LTBP1: variants seen among roughly 807,000 people sequenced by gnomAD.
LTBP1 encodes latent-transforming growth factor beta-binding protein 1.
In LTBP1, 129 loss-of-function variants were observed where a neutral mutation model predicts 207.6. The observed-to-expected ratio is 0.62, with a 90% CI of 0.54 to 0.72. The LOEUF is 0.72. Ranked by LOEUF, LTBP1 falls within the 30% of genes least tolerant of loss-of-function variation. The probability of loss-of-function intolerance (pLI) is 0.00; values close to 1 mark genes in which losing one functional copy is unlikely to be tolerated. For synonymous variants in LTBP1, 963 were observed against 833.7 expected (o/e 1.16, Z -2.67); for missense variants, 2,281 against 2,217.2 (o/e 1.03, Z -0.58).
At chr2:32,982,954 G>A (rs1321068744) in intron 2 of LTBP1, among the ~76,000 whole-genome samples, 2 of 152,212 alleles carry the variant, frequency 1.3e-5, no homozygotes, top group Non-Finnish European at 2.9e-5. Flanking sequence ...TCACCACTGG[G>A]GCATTGCCTA....
intron 24 of LTBP1, among the ~76,000 whole-genome samples, chr2:33,326,509 C>A (rs2094428898): frequency 6.8e-6 from 1 of 146,914 alleles, no homozygotes; most frequent in Admixed American, 6.7e-5. Flanking sequence ...AAAAAAAAAA[C>A]AATCTAAACT....
Position 33,128,086 on chromosome 2 carries a change from C to T in LTBP1, c.1034-6707C>T, listed in dbSNP as rs75130350. On this transcript the variant is annotated intron_variant, in intron 4 of 33. Transcript: ENST00000404816. ...ATTTGGGACCCTCGAGAGGAATGGC[C>T]CCCTGTTTAGCTTGTGAGTAAGCCA... 8.1e-3 allele frequency among the ~76,000 whole-genome samples: 1,234 copies of T among 152,202 alleles called. 12 individuals carry two copies. The highest frequency in any genetic ancestry group is 0.014 in the East Asian group (73 of 5,186).
At chr2:33,203,857 G>A (rs2089594187) in intron 7 of LTBP1, among the ~76,000 whole-genome samples, 1 of 152,174 alleles carries the variant, frequency 6.6e-6, no homozygotes, top group Non-Finnish European at 1.5e-5. Context: ...TGGTCACTGT[G>A]TTTGAAGATG....
chr2:33,232,959 A>G (rs2091870082), intron 9 of LTBP1, among the ~76,000 whole-genome samples: 1 of 152,080 alleles, frequency 6.6e-6, no homozygotes, highest in Admixed American at 6.6e-5. Flanking sequence ...CTTCCTTTGT[A>G]GATAATGTGT....
intron 5 of LTBP1, among the ~76,000 whole-genome samples, chr2:33,153,892 A>G (rs74732937): frequency 0.015 from 2,289 of 152,158 alleles, 23 homozygotes; most frequent in East Asian, 0.027. Flanking sequence ...CATTGGCACC[A>G]TTTTCCTTTA....
At chr2:33,352,172 C>T (rs1263846545) in intron 26 of LTBP1, among the ~76,000 whole-genome samples, 1 of 152,056 alleles carries the variant, frequency 6.6e-6, no homozygotes, top group African/African-American at 2.4e-5. Flanking sequence ...TGCTCTGTCA[C>T]CCAGGCTGGA....
chr2:33,013,154 C>A (rs1687902231), intron 2 of LTBP1, among the ~76,000 whole-genome samples: 1 of 152,216 alleles, frequency 6.6e-6, no homozygotes, highest in South Asian at 2.1e-4. Context: ...AAAAATGAGG[C>A]TACTGAAATA....
At chr2:32,968,125 C>G (rs1311694499) in intron 2 of LTBP1, among the ~76,000 whole-genome samples, 2 of 152,120 alleles carry the variant, frequency 1.3e-5, no homozygotes, top group African/African-American at 4.8e-5. Flanking sequence ...TGCCACCATG[C>G]CTGACTAATT....
intron 4 of LTBP1, among the ~76,000 whole-genome samples, chr2:33,123,373 G>A (rs1352276671): frequency 4.6e-5 from 7 of 152,024 alleles, no homozygotes; most frequent in Admixed American, 4.6e-4. Flanking sequence ...ATCCTATCAT[G>A]CCTCCTGTTC....
chr2:32,950,959 T>A (rs1389055587), intron 2 of LTBP1, among the ~76,000 whole-genome samples: 1 of 152,242 alleles, frequency 6.6e-6, no homozygotes, highest in East Asian at 1.9e-4. Context: ...TTCCTGCTTC[T>A]GCAGGCAAGA....
chr2:32,947,621 A>ACCGCCGCCG lies in LTBP1; in HGVS notation c.310_318dup (p.Pro104_Pro106dup), dbSNP rs538338631. On this transcript the variant is annotated inframe_insertion, in exon 1 of 34. Coordinates refer to ENST00000404816, the MANE Select transcript of LTBP1 (RefSeq NM_206943.4). ...GCGGCGCGGCCCTGCAGGGGCTCAG[A>ACCGCCGCCG]CCGCCGCCGCCGCCGCCGCCGGAGC... The ACCGCCGCCG allele has an allele frequency of 1.3e-4, 171 of 1,327,092 alleles. No homozygotes were observed. The East Asian group carries it at 5.3e-3, about 41-fold the overall frequency. The allele number at this position is 1,327,092 out of a possible 1,614,324, so 82.2% of individuals were successfully genotyped here.
intron 24 of LTBP1, among the ~76,000 whole-genome samples, chr2:33,332,425 T>A (rs1003924064): frequency 6.8e-6 from 1 of 148,148 alleles, no homozygotes; most frequent in Non-Finnish European, 1.5e-5. Context: ...GACACTCTCA[T>A]TATAGAAAAT....
intron 24 of LTBP1, among the ~76,000 whole-genome samples, chr2:33,336,493 A>T (rs2094554776): frequency 6.8e-6 from 1 of 147,732 alleles, no homozygotes; most frequent in Non-Finnish European, 1.5e-5. Flanking sequence ...ATTGAACTGG[A>T]TAATCTTCAG....
At chr2:33,339,405 A>G (rs955156148) in intron 24 of LTBP1, among the ~76,000 whole-genome samples, 1 of 152,146 alleles carries the variant, frequency 6.6e-6, no homozygotes, top group African/African-American at 2.4e-5. Context: ...CTGTGGTTCA[A>G]TGAATAACAT....
rs1284396013 is a variant in LTBP1 at position 33,365,503 on chromosome 2, G to T, written c.4711G>T (p.Asp1571Tyr). 2 of 1,613,136 alleles carry T rather than the reference G, an allele frequency of 1.2e-6. No homozygotes were observed. Among genetic ancestry groups the T allele is most frequent in the African/African-American group, 2.7e-5 (2 of 74,872 alleles). Residue 1571 changes from aspartate to tyrosine, a missense_variant and splice_region_variant, in exon 31 of 34, where the codon GAT becomes TAT. This residue lies in a region of LTBP1 where 1,671 missense variants were observed against 1,634.8 expected (regional missense o/e 1.02). Coordinates refer to ENST00000404816, the MANE Select transcript of LTBP1 (RefSeq NM_206943.4). ...TGCCCTCTGCCCCCTGAAGGATTCA[G>T]GTGAGCCCATATCCAATTCCTTCTG... ...QCALCPLKDSDDYAQLCNIPV... is the reference protein window; with the variant it reads ...QCALCPLKDSYDYAQLCNIPV...
intron 23 of LTBP1, 34 bp downstream of exon 23, chr2:33,309,590 T>A: frequency 6.3e-7 from 1 of 1,596,200 alleles, no homozygotes; most frequent in Non-Finnish European, 8.5e-7. Context: ...AGTCATTATT[T>A]ACGTAATTCT....
At chr2:33,228,846 C>T (rs1027886646) in intron 9 of LTBP1, among the ~76,000 whole-genome samples, 1 of 151,366 alleles carries the variant, frequency 6.6e-6, no homozygotes, top group Non-Finnish European at 1.5e-5. Flanking sequence ...ACTACAAGCA[C>T]ACGCCACCAC....
At chr2:32,963,403 G>A (rs1293381194) in intron 2 of LTBP1, among the ~76,000 whole-genome samples, 1 of 151,542 alleles carries the variant, frequency 6.6e-6, no homozygotes, top group Non-Finnish European at 1.5e-5. Context: ...TAGAGGTGAG[G>A]TCTCGCTGTG....
intron 26 of LTBP1, among the ~76,000 whole-genome samples, chr2:33,359,162 TAATC>T (rs1353419419): frequency 6.6e-6 from 1 of 152,192 alleles, no homozygotes; most frequent in African/African-American, 2.4e-5. Flanking sequence ...AAAGACAAAA[TAATC>T]AGAGAATTGG....
Sources: gnomAD v4.1 joint callset for allele counts (sites outside exome capture counted in the v4.1 genomes callset) on GRCh38, gnomAD v4.1.1 for gene constraint, gnomAD v4.1.1 regional missense constraint, MANE v1.5 for transcripts, NCBI Gene and HGNC (gene_info 2026-07-23, HGNC 2026-07-21) for gene names.